The following WDR70 variants were observed in gnomAD, a reference collection of about 807,000 sequenced individuals.
WDR70 encodes WD repeat-containing protein 70.
Under a neutral mutation model 88.6 loss-of-function variants are expected in WDR70, and 53 were observed. The observed-to-expected ratio is 0.60, with a 90% confidence interval of 0.48 to 0.75. The LOEUF (loss-of-function observed/expected upper bound fraction) is 0.75. Ranked by LOEUF, WDR70 falls within the 30% of genes least tolerant of loss-of-function variation. The probability of loss-of-function intolerance (pLI) is 0.00; values close to 1 mark genes in which losing one functional copy is unlikely to be tolerated. For missense variants in WDR70, 610 were observed against 823.2 expected (o/e 0.74, Z 3.17); for synonymous variants, 280 against 270.0 (o/e 1.04, Z -0.36).
At chr5:37,714,097 C>T (rs1561086983) in intron 13 of WDR70, among the ~76,000 whole-genome samples, 1 of 152,118 alleles carries the variant, frequency 6.6e-6, no homozygotes, top group Non-Finnish European at 1.5e-5. Flanking sequence ...ACATCTTTAC[C>T]TGTACTATAG....
intron 10 of WDR70, among the ~76,000 whole-genome samples, chr5:37,648,123 T>G (rs1435142760): frequency 6.6e-6 from 1 of 152,220 alleles, no homozygotes; most frequent in Non-Finnish European, 1.5e-5. Context: ...TCTTTATCTG[T>G]GTTGGGAAGA....
chr5:37,669,924 G>A (rs185592247), intron 10 of WDR70, among the ~76,000 whole-genome samples: 3 of 152,246 alleles, frequency 2.0e-5, no homozygotes, highest in East Asian at 3.9e-4. Flanking sequence ...GTCACAAAAG[G>A]CAGCATGTTT....
chr5:37,748,545 A>G (rs1357534765), intron 17 of WDR70, among the ~76,000 whole-genome samples: 1 of 152,246 alleles, frequency 6.6e-6, no homozygotes, highest in Non-Finnish European at 1.5e-5. Context: ...TTCCTAGGAC[A>G]TAGGCATGGG....
intron 9 of WDR70, among the ~76,000 whole-genome samples, chr5:37,567,260 C>T (rs185712630): frequency 7.8e-4 from 119 of 152,188 alleles, no homozygotes; most frequent in Non-Finnish European, 1.5e-3. Flanking sequence ...AAAATATAAC[C>T]TAAATCCATG....
At chr5:37,575,242 G>GGT (rs1449899011) in intron 9 of WDR70, among the ~76,000 whole-genome samples, 1 of 152,016 alleles carries the variant, frequency 6.6e-6, no homozygotes, top group Non-Finnish European at 1.5e-5. Flanking sequence ...ATACGTATTT[G>GGT]GTCTCAGTCC....
intron 9 of WDR70, among the ~76,000 whole-genome samples, chr5:37,578,920 A>G (rs1743132046): frequency 1.3e-5 from 2 of 152,226 alleles, no homozygotes; most frequent in Admixed American, 1.3e-4. Flanking sequence ...TCTCATTTAA[A>G]TAACTTTTTT....
At chr5:37,403,943 T>C (rs1749276421) in intron 5 of WDR70, among the ~76,000 whole-genome samples, 1 of 152,102 alleles carries the variant, frequency 6.6e-6, no homozygotes, top group Admixed American at 6.6e-5. Context: ...GGTCTTGCTC[T>C]CTTGTCTGTG....
At chr5:37,649,755 T>TTTTTTTTTTG (rs1745344125) in intron 10 of WDR70, among the ~76,000 whole-genome samples, 1 of 118,880 alleles carries the variant, frequency 8.4e-6, no homozygotes, top group African/African-American at 3.3e-5. Context: ...TTTTTTTTTT[T>TTTTTTTTTTG]GAGACGGAGT....
At chr5:37,516,438 G>T in intron 8 of WDR70, 76 bp from the exon 9 acceptor site, 1 of 790,344 alleles carries the variant, frequency 1.3e-6, no homozygotes, top group South Asian at 2.0e-5. Context: ...ATTTAAAAAT[G>T]ACATGTCAGT....
At chr5:37,682,456 C>T (rs1264320132) in intron 10 of WDR70, among the ~76,000 whole-genome samples, 1 of 151,796 alleles carries the variant, frequency 6.6e-6, no homozygotes, top group East Asian at 1.9e-4. Flanking sequence ...TATTTTTTGT[C>T]TTTTGCTAGC....
At chr5:37,692,756 A>G (rs1379251300) in intron 10 of WDR70, among the ~76,000 whole-genome samples, 1 of 152,214 alleles carries the variant, frequency 6.6e-6, no homozygotes, top group African/African-American at 2.4e-5. Context: ...CATAGCCAAT[A>G]TCATACTGAA....
intron 9 of WDR70, among the ~76,000 whole-genome samples, chr5:37,597,953 C>T (rs1463116150): frequency 6.6e-6 from 1 of 152,180 alleles, no homozygotes; most frequent in Non-Finnish European, 1.5e-5. Context: ...TTAAGTTTTA[C>T]AACTACATCT....
intron 5 of WDR70, among the ~76,000 whole-genome samples, chr5:37,402,944 G>GTTT (rs5867348): frequency 0.4 from 33,518 of 84,328 alleles, 9,270 homozygotes; most frequent in South Asian, 0.52. Flanking sequence ...CCCTCCCTCC[G>GTTT]TTTTTTTTTT....
chr5:37,710,959 G>C (rs1038552203), intron 13 of WDR70, among the ~76,000 whole-genome samples: 1 of 151,722 alleles, frequency 6.6e-6, no homozygotes, highest in Non-Finnish European at 1.5e-5. Flanking sequence ...AAAGTATGTA[G>C]GTCTCTGAAA....
chr5:37,703,047 G>A lies in WDR70; in HGVS notation c.1376G>A (p.Arg459Lys), dbSNP rs1747211956. The change falls in exon 13 of 18, where the codon AGG (arginine) becomes AAG (lysine). Residue 459 changes from arginine to lysine, a missense_variant. By Grantham distance (26) the Arg-to-Lys change is conservative (BLOSUM62 2). This residue lies in a region of WDR70 where 254 missense variants were observed against 300.7 expected (regional missense o/e 0.84). Coordinates refer to ENST00000265107, the MANE Select transcript of WDR70 (RefSeq NM_018034.4). ...GGCAAACTTGTTTTCTTTGAGCGTAGGACTTTCCAAAGGGTGTATGAAATA... is the reference window on the plus strand; with the variant it reads ...GGCAAACTTGTTTTCTTTGAGCGTAAGACTTTCCAAAGGGTGTATGAAATA... ...GSGKLVFFERRTFQRVYEIDI... is the reference protein window; with the variant it reads ...GSGKLVFFERKTFQRVYEIDI... The A allele has an allele frequency of 6.2e-7, 1 of 1,613,744 alleles. No homozygotes were observed. The highest frequency in any genetic ancestry group is 1.1e-5 in the South Asian group (1 of 91,036).
chr5:37,561,432 A>G (rs905764170), intron 9 of WDR70, among the ~76,000 whole-genome samples: 4 of 152,214 alleles, frequency 2.6e-5, no homozygotes, highest in Admixed American at 2.6e-4. Flanking sequence ...ACACTATGCT[A>G]AAACAGCTGT....
chr5:37,722,050 A>G (rs904522579), intron 14 of WDR70: 1 of 152,190 alleles, frequency 6.6e-6, no homozygotes, highest in South Asian at 2.1e-4. Context: ...AGACAGCCCC[A>G]TCTTCCTTCA....
intron 9 of WDR70, among the ~76,000 whole-genome samples, chr5:37,567,175 G>A (rs753354353): frequency 7.9e-5 from 12 of 152,102 alleles, no homozygotes; most frequent in Admixed American, 4.6e-4. Context: ...CTGGAGTCTG[G>A]ATCAACTGGG....
intron 9 of WDR70, among the ~76,000 whole-genome samples, chr5:37,536,291 A>C (rs1003133686): frequency 6.6e-6 from 1 of 152,198 alleles, no homozygotes; most frequent in Non-Finnish European, 1.5e-5. Context: ...AAGCAGTTTC[A>C]TTACTTCTCT....
Sources: allele counts gnomAD v4.1 joint callset (sites outside exome capture counted in the v4.1 genomes callset), GRCh38; gene constraint gnomAD v4.1.1; regional missense constraint gnomAD v4.1.1; transcripts MANE v1.5; gene names NCBI Gene and HGNC (gene_info 2026-07-23, HGNC 2026-07-21).